FBXL2: variants seen among roughly 807,000 people sequenced by gnomAD.
The protein encoded by FBXL2 is F-box and leucine rich repeat protein 2.
Under a neutral mutation model 69.2 loss-of-function variants are expected in FBXL2, and 38 were observed. The observed-to-expected ratio is 0.55, with a 90% CI of 0.42 to 0.72. The LOEUF is 0.72. Ranked by LOEUF, FBXL2 falls within the 30% of genes least tolerant of loss-of-function variation. The pLI is 0.00. For synonymous variants in FBXL2, 192 were observed against 201.3 expected (o/e 0.95, Z 0.39); for missense variants, 354 against 520.3 (o/e 0.68, Z 3.11).
the FBXL2 span, chr3:33,411,771 A>C: frequency 9.2e-7 from 1 of 1,091,740 alleles, no homozygotes. Flanking sequence ...TGTTCTAATG[A>C]AATAACTGTA....
the FBXL2 span, among the ~76,000 whole-genome samples, chr3:33,411,017 G>A: frequency 6.6e-6 from 1 of 150,492 alleles, no homozygotes; most frequent in African/African-American, 2.5e-5. Context: ...AGATTGCAGT[G>A]AGCCGAGATC....
the FBXL2 span, among the ~76,000 whole-genome samples, chr3:33,413,809 T>C: frequency 3.3e-5 from 5 of 152,108 alleles, no homozygotes; most frequent in African/African-American, 1.2e-4. Context: ...GTCCAAGCAA[T>C]TACCCAGCAC....
chr3:33,380,556 A>T (rs777592618), intron 13 of FBXL2, among the ~76,000 whole-genome samples: 49 of 53,548 alleles, frequency 9.2e-4, no homozygotes, highest in South Asian at 4.7e-3. Flanking sequence ...AAAACTCCAT[A>T]AAAAAAAAAA....
At chr3:33,324,150 AT>A (rs201101782) in intron 2 of FBXL2, among the ~76,000 whole-genome samples, 27,577 of 147,636 alleles carry the variant, frequency 0.19, 3,199 homozygotes, top group East Asian at 0.49. Context: ...TTTTTGATGG[AT>A]TTTTTTTTTC....
At chr3:33,401,637 T>C (rs2044233055) in intron 12 of FBXL2, among the ~76,000 whole-genome samples, 2 of 152,190 alleles carry the variant, frequency 1.3e-5, no homozygotes, top group South Asian at 2.1e-4. Context: ...CGTGCCTCAA[T>C]TGCTTAGGTT....
intron 2 of FBXL2, among the ~76,000 whole-genome samples, chr3:33,304,708 A>G (rs2036570991): frequency 6.6e-6 from 1 of 152,086 alleles, no homozygotes; most frequent in Admixed American, 6.6e-5. Flanking sequence ...TAACTTTATA[A>G]AGAAATATTA....
chr3:33,332,497 C>A (rs1226669773), intron 2 of FBXL2, among the ~76,000 whole-genome samples: 1 of 152,150 alleles, frequency 6.6e-6, no homozygotes, highest in Non-Finnish European at 1.5e-5. Context: ...GTATTTTTCA[C>A]AATAGCCAGA....
the FBXL2 span, chr3:33,416,639 G>C: frequency 1.4e-6 from 1 of 727,232 alleles, no homozygotes; most frequent in Non-Finnish European, 2.2e-6. Context: ...ACAAAATATA[G>C]CTCATAAAGT....
At chr3:33,382,776 TG>T (rs1345195581) in intron 13 of FBXL2, 3 of 152,164 alleles carry the variant, frequency 2.0e-5, no homozygotes, top group East Asian at 1.9e-4. Flanking sequence ...GAAAAACAAT[TG>T]TAACATCACA....
chr3:33,349,203 A>G (rs545958147), intron 2 of FBXL2, among the ~76,000 whole-genome samples: 1 of 152,218 alleles, frequency 6.6e-6, no homozygotes, highest in African/African-American at 2.4e-5. Context: ...AAAGGCTTTC[A>G]GTTTTTCTGC....
chr3:33,371,841 T>C (rs2042324620), intron 5 of FBXL2, among the ~76,000 whole-genome samples: 1 of 152,168 alleles, frequency 6.6e-6, no homozygotes, highest in Non-Finnish European at 1.5e-5. Context: ...ATTTGTTAGG[T>C]TGTACCAAAG....
intron 9 of FBXL2, 33 bp from the exon 10 acceptor site, chr3:33,375,245 GCTGGTGTCCT>G: frequency 1.9e-6 from 3 of 1,594,280 alleles, no homozygotes; most frequent in Non-Finnish European, 2.6e-6. Flanking sequence ...TTTTGGTATT[GCTGGTGTCCT>G]CTGACTTTTC....
At chr3:33,277,184 T>TAA (rs140090442), upstream of FBXL2, 1,350 of 292,676 alleles carry the variant, frequency 4.6e-3, no homozygotes, top group East Asian at 0.017. Flanking sequence ...AACGTTTTTT[T>TAA]TAAAAAAAAA....
downstream of FBXL2, among the ~76,000 whole-genome samples, chr3:33,404,680 A>G (rs1192068507): frequency 2.0e-5 from 3 of 152,102 alleles, no homozygotes; most frequent in Non-Finnish European, 4.4e-5. Context: ...CATAACTCTA[A>G]TGACTAAGTT....
At chr3:33,399,512 C>T (rs759553755) in intron 12 of FBXL2, among the ~76,000 whole-genome samples, 2 of 152,124 alleles carry the variant, frequency 1.3e-5, no homozygotes, top group Admixed American at 1.3e-4. Flanking sequence ...AACACAACAA[C>T]TTAGGTGGCC....
chr3:33,349,337 T>A (rs2040668419), intron 2 of FBXL2, among the ~76,000 whole-genome samples: 2 of 152,170 alleles, frequency 1.3e-5, no homozygotes. Context: ...TATCTGGTGC[T>A]TTTTCAGTAT....
At chr3:33,400,061 T>G in intron 12 of FBXL2, 1 of 524,756 alleles carries the variant, frequency 1.9e-6, no homozygotes, top group Non-Finnish European at 3.1e-6. Flanking sequence ...AAAGAACTTC[T>G]CTGTACATTT....
intron 5 of FBXL2, 28 bp from the exon 6 acceptor site, chr3:33,373,064 G>A: frequency 6.2e-7 from 1 of 1,608,292 alleles, no homozygotes; most frequent in East Asian, 2.2e-5. Flanking sequence ...CAACTTGCAG[G>A]GAGCTTTAAA....
At chr3:33,305,081 G>GT (rs2036599196) in intron 2 of FBXL2, among the ~76,000 whole-genome samples, 1 of 151,492 alleles carries the variant, frequency 6.6e-6, no homozygotes, top group South Asian at 2.1e-4. Context: ...CTTCTAACTT[G>GT]TTTTTTTCAC....
Sources: allele counts gnomAD v4.1 joint callset (sites outside exome capture counted in the v4.1 genomes callset), GRCh38; gene constraint gnomAD v4.1.1; transcripts MANE v1.5; gene names NCBI Gene and HGNC (gene_info 2026-07-23, HGNC 2026-07-21).